The following NAV1 variants were observed in gnomAD, a reference collection of about 807,000 sequenced individuals.
NAV1 encodes the protein neuron navigator 1.
Under a neutral mutation model 175.2 loss-of-function variants are expected in NAV1, and 18 were observed. The ratio of observed to expected loss-of-function variants is 0.10; its 90% CI spans 0.07 to 0.15. The LOEUF is 0.15. Among genes scored for constraint, NAV1 ranks in the 10% least tolerant of loss-of-function variants. The pLI is 1.00. For missense variants in NAV1, 1,731 were observed against 2,436.6 expected (o/e 0.71, Z 6.10); for synonymous variants, 897 against 978.7 (o/e 0.92, Z 1.56).
chr1:201,583,569 G>T (rs547686195), intron 1 of NAV1, among the ~76,000 whole-genome samples: 6 of 152,336 alleles, frequency 3.9e-5, no homozygotes, highest in Admixed American at 6.5e-5. Flanking sequence ...GGGACAGAGG[G>T]TGGCACTTGG....
chr1:201,742,932 T>C (rs1273900033), intron 3 of NAV1, among the ~76,000 whole-genome samples: 1 of 152,184 alleles, frequency 6.6e-6, no homozygotes, highest in South Asian at 2.1e-4. Flanking sequence ...GGCATCTTAA[T>C]AGGGGGGACA....
upstream of NAV1, among the ~76,000 whole-genome samples, chr1:201,618,593 C>T (rs982362329): frequency 6.6e-5 from 10 of 152,072 alleles, no homozygotes; most frequent in South Asian, 2.1e-4. Context: ...AGGCAGAGCC[C>T]GGATATGCTC....
At chr1:201,780,040 C>G (rs1039721679) in intron 3 of NAV1, among the ~76,000 whole-genome samples, 6 of 152,130 alleles carry the variant, frequency 3.9e-5, no homozygotes, top group African/African-American at 1.2e-4. Flanking sequence ...AGAATAGATG[C>G]AGAACGCGTC....
chr1:201,780,345 T>C, intron 3 of NAV1, 76 bp from the exon 8 acceptor site: 8 of 1,571,436 alleles, frequency 5.1e-6, no homozygotes, highest in Non-Finnish European at 7.0e-6. Flanking sequence ...GAGCCATTCT[T>C]GCATCAATGT....
rs147361120 is a variant in NAV1, at chr1:201,795,020, G to A, written c.3517+443G>A. On this transcript the variant is annotated intron_variant, in intron 15 of 29. Coordinates refer to ENST00000367296, the Ensembl canonical transcript of NAV1. ...GCTGAAATGGCAAGTTAGCCTGGAC[G>A]TTTAGTAACCAGTCAAGCTTTGCTA... The A allele has an allele frequency of 3.0e-4, 47 of 156,626 alleles. No individual in the cohort carries two copies. The East Asian group carries it at 8.9e-3, about 30-fold the overall frequency. The allele number at this position is 156,626 out of a possible 1,614,324, so 9.7% of individuals were successfully genotyped here.
At chr1:201,642,242 T>C (rs1350694319) in intron 2 of NAV1, among the ~76,000 whole-genome samples, 1 of 148,872 alleles carries the variant, frequency 6.7e-6, no homozygotes, top group African/African-American at 2.5e-5. Context: ...TCTCGGAGTC[T>C]TGGTCTGTCG....
chr1:201,649,302 A>G, exon 1 of NAV1: 1 of 1,613,028 alleles, frequency 6.2e-7, no homozygotes, highest in East Asian at 2.2e-5. Flanking sequence ...CAAGGCGCAA[A>G]AGAGCTCTGG....
chr1:201,730,487 G>A (rs1672808472), intron 3 of NAV1, among the ~76,000 whole-genome samples: 1 of 152,216 alleles, frequency 6.6e-6, no homozygotes, highest in African/African-American at 2.4e-5. Context: ...GAGCATGACA[G>A]GGGCAGGGAT....
chr1:201,705,568 G>C (rs1657330247), intron 1 of NAV1, among the ~76,000 whole-genome samples: 1 of 152,192 alleles, frequency 6.6e-6, no homozygotes, highest in South Asian at 2.1e-4. Flanking sequence ...CGAGAAGCAT[G>C]AGATTTGCCA....
intron 3 of NAV1, among the ~76,000 whole-genome samples, chr1:201,730,160 C>T (rs1364386770): frequency 6.6e-6 from 1 of 152,194 alleles, no homozygotes; most frequent in Non-Finnish European, 1.5e-5. Flanking sequence ...ATTCATACTG[C>T]AAGTAATTTG....
In NAV1 at chr1:201,808,092, C is replaced by A; in HGVS notation, c.3788C>A (p.Thr1263Asn). 6.2e-7 allele frequency: 1 copy of A among 1,614,218 alleles called. No individual in the cohort carries two copies. Among genetic ancestry groups the A allele is most frequent in the African/African-American group, 1.3e-5 (1 of 75,056 alleles). Residue 1263 changes from threonine to asparagine, a missense_variant, in exon 18 of 30, where the codon ACT (threonine) becomes AAT (asparagine). Thr to Asn is a moderately conservative substitution (Grantham distance 65). This residue lies in a region of NAV1 where 146 missense variants were observed against 176.8 expected (regional missense o/e 0.83). Transcript: ENST00000367296. This position sits in a 1 kb window ranked among gnomAD's most constrained non-coding sequence, Gnocchi z 5.5. ...AAACTACAGCATGGTTCTACAGAGA[C>A]TGCTTCACCCTCCATCAAGTCCTCC...
chr1:201,768,505 G>T (rs1409531547), intron 3 of NAV1, among the ~76,000 whole-genome samples: 1 of 151,800 alleles, frequency 6.6e-6, no homozygotes, highest in African/African-American at 2.4e-5. Flanking sequence ...AGGCGCAGTG[G>T]TGCGCACATG....
intron 2 of NAV1, among the ~76,000 whole-genome samples, chr1:201,595,133 C>T (rs937048661): frequency 6.6e-6 from 1 of 152,228 alleles, no homozygotes; most frequent in Non-Finnish European, 1.5e-5. Context: ...GCACTCCCAC[C>T]ACCAGTGGGA....
chr1:201,544,591 G>A (rs1199033175), intron 1 of NAV1, among the ~76,000 whole-genome samples: 1 of 152,050 alleles, frequency 6.6e-6, no homozygotes. Flanking sequence ...TCTATATTTG[G>A]ACAGCTCTGT....
chr1:201,775,784 G>A (rs757341199), intron 3 of NAV1, among the ~76,000 whole-genome samples: 3 of 152,140 alleles, frequency 2.0e-5, no homozygotes, highest in Non-Finnish European at 4.4e-5. Context: ...AAGCCTGGGC[G>A]CAGTGGCTCG....
At chr1:201,575,477 C>A (rs537139208) in intron 1 of NAV1, among the ~76,000 whole-genome samples, 11 of 152,290 alleles carry the variant, frequency 7.2e-5, no homozygotes, top group Admixed American at 5.9e-4. Context: ...CTGGAGTTGG[C>A]AGATCTTGTA....
At chr1:201,650,726 G>A (rs1669170275) in intron 1 of NAV1, among the ~76,000 whole-genome samples, 1 of 152,214 alleles carries the variant, frequency 6.6e-6, no homozygotes, top group African/African-American at 2.4e-5. Flanking sequence ...CCTCTGACAG[G>A]GGCAAGGATT....
rs1170757834 is a variant in NAV1 at position 201,808,683 on chromosome 1, C to G, written c.4039-20C>G. The G allele has an allele frequency of 6.2e-7, 1 of 1,614,218 alleles. No individual in the cohort carries two copies. The highest frequency in any genetic ancestry group is 8.5e-7 in the Non-Finnish European group (1 of 1,180,038). ...CTGTCTGTCCAGTCTGCCACCCTAC[C>G]CTGTCTGTTCTTGCCACAGTTGGAG... On this transcript the variant is annotated intron_variant, in intron 19 of 29. Coordinates refer to ENST00000367296, the Ensembl canonical transcript of NAV1. The surrounding 1 kb of genome is among the most constrained non-coding windows in gnomAD (Gnocchi z 5.5).
In NAV1 at chr1:201,578,930, C is replaced by T. The variant is rs181662347; in HGVS notation, c.-143-9609C>T. Among the ~76,000 whole-genome samples the T allele has an allele frequency of 1.2e-3, 179 of 152,042 alleles. 1 individual carries two copies. Among genetic ancestry groups the T allele is most frequent in the Non-Finnish European group, 2.0e-3 (139 of 67,988 alleles). ...AGTGGATCACCTGAGGTCAGGAGCT[C>T]GAGACCAGCCTGGCCAACATGGTGA... is the stretch of plus-strand genomic sequence containing the variant. On this transcript the variant is annotated intron_variant, in intron 1 of 33. Transcript: ENST00000685211.
Sources: allele counts gnomAD v4.1 joint callset (sites outside exome capture counted in the v4.1 genomes callset), GRCh38; gene constraint gnomAD v4.1.1; regional missense constraint gnomAD v4.1.1; non-coding constraint Gnocchi (gnomAD v3.1); transcripts MANE v1.5; gene names NCBI Gene and HGNC (gene_info 2026-07-23, HGNC 2026-07-21).